Variants in SCTR observed in about 807,000 individuals in gnomAD.
The protein encoded by SCTR is secretin receptor.
Under a neutral mutation model 60.8 loss-of-function variants are expected in SCTR, and 56 were observed. That is an observed-to-expected ratio of 0.92 (90% CI 0.74 to 1.15). SCTR has a LOEUF of 1.15. Ranked by LOEUF, SCTR falls within the 50% of genes most tolerant of loss-of-function variation. The pLI is 0.00. For synonymous variants in SCTR, 202 were observed against 217.0 expected (o/e 0.93, Z 0.61); for missense variants, 562 against 550.4 (o/e 1.02, Z -0.21).
intron 1 of SCTR, among the ~76,000 whole-genome samples, chr2:119,507,808 A>G (rs1042040798): frequency 6.6e-6 from 1 of 151,120 alleles, no homozygotes; most frequent in Non-Finnish European, 1.5e-5. Flanking sequence ...CCTCCCAAGT[A>G]GGTGGGATTA....
chr2:119,502,857 A>C (rs964801915), intron 1 of SCTR, among the ~76,000 whole-genome samples: 21 of 151,512 alleles, frequency 1.4e-4, no homozygotes, highest in Non-Finnish European at 7.4e-5. Flanking sequence ...AAAAGAAAAA[A>C]GAAGGCTGGG....
chr2:119,465,482 C>T (rs1475278474), intron 5 of SCTR, among the ~76,000 whole-genome samples: 1 of 152,184 alleles, frequency 6.6e-6, no homozygotes, highest in Non-Finnish European at 1.5e-5. Flanking sequence ...TCTCTTGCAA[C>T]AGAATCTCGC....
intron 6 of SCTR, among the ~76,000 whole-genome samples, chr2:119,462,944 T>A (rs1322519520): frequency 1.3e-5 from 2 of 152,132 alleles, no homozygotes; most frequent in Non-Finnish European, 2.9e-5. Context: ...TGGTCAGTAA[T>A]GAAGCGTGGC....
At chr2:119,497,751 T>G (rs1264144517) in intron 1 of SCTR, among the ~76,000 whole-genome samples, 1 of 151,842 alleles carries the variant, frequency 6.6e-6, no homozygotes, top group East Asian at 1.9e-4. Flanking sequence ...AGCAGAATGA[T>G]GGTGATGGAA....
At chr2:119,453,783 C>T (rs986808173) in intron 7 of SCTR, among the ~76,000 whole-genome samples, 1 of 152,160 alleles carries the variant, frequency 6.6e-6, no homozygotes, top group Non-Finnish European at 1.5e-5. Context: ...ATGAAAGAAA[C>T]GTTGATTTTA....
chr2:119,444,451 ACG>A (rs1254185239), intron 11 of SCTR, among the ~76,000 whole-genome samples: 9 of 117,098 alleles, frequency 7.7e-5, no homozygotes, highest in Non-Finnish European at 1.5e-4. Flanking sequence ...ATATATACGT[ACG>A]TATATATATA....
chr2:119,473,066 G>A (rs933483186), intron 4 of SCTR, among the ~76,000 whole-genome samples: 4 of 152,196 alleles, frequency 2.6e-5, no homozygotes, highest in Non-Finnish European at 5.9e-5. Context: ...AGTGAGGCAC[G>A]TAGTGATTAA....
intron 12 of SCTR, among the ~76,000 whole-genome samples, chr2:119,441,119 G>C (rs1025191236): frequency 6.6e-6 from 1 of 152,148 alleles, no homozygotes; most frequent in Non-Finnish European, 1.5e-5. Context: ...AGACAGTTCT[G>C]AGTCACCCGT....
Position 119,464,217 on chromosome 2 carries a change from AG to A in SCTR, c.541del (p.Leu181CysfsTer122). On this transcript the variant is annotated frameshift_variant, in exon 6 of 13. Transcript: ENST00000019103. LOFTEE classifies it high-confidence loss of function. ...HCTRNYIHMH[L>X]FVSFILRALS... The stretch of plus-strand genomic sequence containing the variant: ...GGCACGAAGGATGAAGGACACGAAC[AG>A]GTGCATGTGGATGTAGTTGCGAGTG... 5 of 1,614,192 alleles carry A rather than the reference AG, an allele frequency of 3.1e-6. No individual in the cohort carries two copies. The South Asian group carries it at 4.4e-5, about 14-fold the overall frequency.
chr2:119,449,464 C>T (rs2104766750), intron 9 of SCTR, among the ~76,000 whole-genome samples: 1 of 152,180 alleles, frequency 6.6e-6, no homozygotes, highest in East Asian at 1.9e-4. Flanking sequence ...CTTAAAAGGT[C>T]AAATGCATGT....
At chr2:119,498,465 A>T (rs1678426429) in intron 1 of SCTR, among the ~76,000 whole-genome samples, 1 of 152,172 alleles carries the variant, frequency 6.6e-6, no homozygotes, top group East Asian at 1.9e-4. Context: ...GGTAAATGCG[A>T]TAGGTTTTCC....
In SCTR at chr2:119,464,137, A is replaced by G. The variant is rs777368125; in HGVS notation, c.622T>C (p.Cys208Arg). The G allele has an allele frequency of 6.2e-7, 1 of 1,614,084 alleles. No individual in the cohort carries two copies. The highest frequency in any genetic ancestry group is 2.2e-5 in the East Asian group (1 of 44,896). Reference sequence around the variant, plus strand: ...AGACATATTACCCTGTGGGCATCGCAGTAGGTGACATCATCTGAGGAGAAG... The same window carrying G: ...AGACATATTACCCTGTGGGCATCGCGGTAGGTGACATCATCTGAGGAGAAG... The part of the protein sequence containing the change: ...VLFSSDDVTY[C>R]DAHRAGCKLV... Residue 208 changes from cysteine (C) to arginine (R), a missense_variant, in exon 6 of 13, where the codon TGC (cysteine) becomes CGC (arginine). Cys to Arg is a radical substitution (Grantham distance 180). Coordinates refer to ENST00000019103, the MANE Select transcript of SCTR (RefSeq NM_002980.3).
chr2:119,519,346 TCTG>T (rs1679214097), intron 1 of SCTR, among the ~76,000 whole-genome samples: 1 of 152,252 alleles, frequency 6.6e-6, no homozygotes, highest in African/African-American at 2.4e-5. Flanking sequence ...CATGCTCATT[TCTG>T]GGCCCCTCAA....
intron 6 of SCTR, 31 bp downstream of exon 6, chr2:119,464,092 G>C (rs1683726160): frequency 1.2e-6 from 2 of 1,612,872 alleles, no homozygotes; most frequent in Non-Finnish European, 1.7e-6. Flanking sequence ...AGGCGGGCCT[G>C]GCGACATCCT....
intron 7 of SCTR, among the ~76,000 whole-genome samples, chr2:119,457,801 G>C (rs947721810): frequency 6.6e-6 from 1 of 152,218 alleles, no homozygotes; most frequent in Non-Finnish European, 1.5e-5. Context: ...AGAAATAGTA[G>C]TGTATTGATT....
At chr2:119,475,419 T>C (rs917132339) in intron 3 of SCTR, among the ~76,000 whole-genome samples, 1 of 152,036 alleles carries the variant, frequency 6.6e-6, no homozygotes, top group Non-Finnish European at 1.5e-5. Context: ...AGACAGATGC[T>C]GCATGTGACC....
chr2:119,467,003 A>G (rs1166501958), intron 4 of SCTR, among the ~76,000 whole-genome samples: 3 of 152,208 alleles, frequency 2.0e-5, no homozygotes. Context: ...GCAGCCAAGC[A>G]GGCATTCACT....
chr2:119,481,380 A>G (rs1677593251), intron 2 of SCTR, among the ~76,000 whole-genome samples: 1 of 152,208 alleles, frequency 6.6e-6, no homozygotes, highest in African/African-American at 2.4e-5. Flanking sequence ...CTACATCAGA[A>G]TGAGCTGGGT....
chr2:119,499,626 T>C lies in SCTR; in HGVS notation c.73-5078A>G, dbSNP rs542455199. On this transcript the variant is annotated intron_variant, in intron 1 of 12. Transcript: ENST00000019103. ...CACACTTCTAAACAATCCATGAGTT[T>C]AATATTGAAAATGAATCAATGTAAT... Among the ~76,000 whole-genome samples the C allele has an allele frequency of 2.0e-5, 3 of 152,244 alleles. No homozygotes were observed. In the South Asian group the frequency reaches 6.2e-4, roughly 32 times the overall value.
Sources: allele counts gnomAD v4.1 joint callset (sites outside exome capture counted in the v4.1 genomes callset), GRCh38; gene constraint gnomAD v4.1.1; transcripts MANE v1.5; gene names NCBI Gene and HGNC (gene_info 2026-07-23, HGNC 2026-07-21).